Variants in SPHK2 observed in about 807,000 individuals in gnomAD.
SPHK2 encodes sphingosine kinase 2.
A neutral mutation model predicts 32.3 loss-of-function variants in SPHK2; 18 were observed. The ratio of observed to expected loss-of-function variants is 0.56; its 90% confidence interval spans 0.39 to 0.83. The LOEUF is 0.83. Among genes scored for constraint, SPHK2 ranks in the 40% least tolerant of loss-of-function variants. The probability of loss-of-function intolerance (pLI) is 0.00; values close to 1 mark genes in which losing one functional copy is unlikely to be tolerated. For synonymous variants in SPHK2, 462 were observed against 417.6 expected (o/e 1.11, Z -1.30); for missense variants, 850 against 908.7 (o/e 0.94, Z 0.83).
At position 48,629,866 on chromosome 19, in the gene SPHK2, T is replaced by C; in HGVS notation, c.*93T>C. 4.1e-6 allele frequency: 6 copies of C among 1,470,616 alleles called. No homozygotes were observed. The highest frequency in any genetic ancestry group is 4.5e-6 in the Non-Finnish European group (5 of 1,111,348). The allele number at this position is 1,470,616 out of a possible 1,614,324, so 91.1% of individuals were successfully genotyped here. A position where few individuals can be genotyped will look rare whatever the true frequency, so the allele number is the denominator to read the frequency against. On this transcript the variant is annotated 3_prime_UTR_variant, in exon 7 of 7. Coordinates refer to ENST00000245222, the MANE Select transcript of SPHK2 (RefSeq NM_020126.5). ...GGGTGTGGCCTGGCTGCTAGAGTTG[T>C]GGTGGCAGGGGCCCTGGCCCCGTCT...
rs2030360036 is a variant in SPHK2 at position 48,629,419 on chromosome 19, C to T, written c.1611C>T (p.Asp537=). The T allele has an allele frequency of 2.5e-6, 4 of 1,611,118 alleles. No individual in the cohort carries two copies. The highest frequency in any genetic ancestry group is 3.4e-6 in the Non-Finnish European group (4 of 1,179,442). Residue 537 remains aspartate, a synonymous_variant, in exon 7 of 7, where the codon GAC becomes GAT. Coordinates refer to ENST00000245222, the MANE Select transcript of SPHK2 (RefSeq NM_020126.5). Reference sequence around the variant, plus strand: ...CAGACTGGGTGACGCTGGAGGGGGACTTTGTGCTCATGTTGGCCATCTCGC... The same window carrying T: ...CAGACTGGGTGACGCTGGAGGGGGATTTTGTGCTCATGTTGGCCATCTCGC... ...LPPDWVTLEG[D]FVLMLAISPS...
chr19:48,629,591 C>T lies in SPHK2; in HGVS notation c.1783C>T (p.Leu595=). The change falls in exon 7 of 7, where the codon CTG becomes TTG. Residue 595 remains leucine, a synonymous_variant. Transcript: ENST00000245222. ...CATGGAGCGTGGTAGCCACTTCAGCCTGGGCTGTCCGCAGCTGGGCTACGC... is the reference window on the plus strand; with the variant it reads ...CATGGAGCGTGGTAGCCACTTCAGCTTGGGCTGTCCGCAGCTGGGCTACGC... The part of the protein sequence containing the change: ...LAMERGSHFS[L]GCPQLGYAAA... 3 of 1,599,374 alleles carry T rather than the reference C, an allele frequency of 1.9e-6. No homozygotes were observed. The highest frequency in any genetic ancestry group is 1.1e-5 in the South Asian group (1 of 89,356).
At position 48,630,323 on chromosome 19, in the gene SPHK2, C is replaced by T. The variant is rs1214933946; in HGVS notation, c.*550C>T. On this transcript the variant is annotated 3_prime_UTR_variant, in exon 7 of 7. Coordinates refer to ENST00000245222, the MANE Select transcript of SPHK2 (RefSeq NM_020126.5). This position sits in a 1 kb window ranked among gnomAD's most constrained non-coding sequence, Gnocchi z 4.9. ...GGCGGGGAAATTCATATCCCCTGTTCGTCTCATGCGCGTCCTCCGTCCCCA... is the reference window on the plus strand; with the variant it reads ...GGCGGGGAAATTCATATCCCCTGTTTGTCTCATGCGCGTCCTCCGTCCCCA... The T allele has an allele frequency of 7.7e-7, 1 of 1,303,394 alleles. No homozygotes were observed. The highest frequency in any genetic ancestry group is 9.7e-7 in the Non-Finnish European group (1 of 1,026,858). 80.7% of individuals were successfully genotyped at this position (1,303,394 alleles called of 1,614,324 possible). A position where few individuals can be genotyped will look rare whatever the true frequency, so the allele number is the denominator to read the frequency against.
intron 2 of SPHK2, chr19:48,623,061 G>A (rs1365082731): frequency 2.0e-5 from 3 of 151,334 alleles, no homozygotes; most frequent in Admixed American, 6.6e-5. Flanking sequence ...TGGCTAACAC[G>A]GTGAAACCCT....
chr19:48,628,621 CT>C lies in SPHK2; in HGVS notation c.873-57del. ...TTGCCAGCTGCTTTCCTACCTGTCT[CT>C]TTCCCCAACCCCTGTTTGCTCCTTC... On this transcript the variant is annotated intron_variant, in intron 6 of 6. Transcript: ENST00000245222. The surrounding 1 kb of genome is among the most constrained non-coding windows in gnomAD (Gnocchi z 5.2). 6.3e-7 allele frequency: 1 copy of C among 1,584,148 alleles called. No individual in the cohort carries two copies.
rs779108312 is a variant in SPHK2 at position 48,622,757 on chromosome 19, CTTTTTTTTTTTTT to C, written c.39+2218_39+2230del. ...CAAACTTCTTCCTACATTTGTCTCTCTTTTTTTTTTTTTTTTTTTTTTTTTTGAGACAGAGTCT... is the reference window on the plus strand; with the variant it reads ...CAAACTTCTTCCTACATTTGTCTCTCTTTTTTTTTTTTTGAGACAGAGTCT... On this transcript the variant is annotated intron_variant, in intron 2 of 6. Coordinates refer to ENST00000245222, the MANE Select transcript of SPHK2 (RefSeq NM_020126.5). Among the ~76,000 whole-genome samples the C allele has an allele frequency of 2.6e-4, 28 of 108,546 alleles. 1 individual carries two copies. The highest frequency in any genetic ancestry group is 0.01 in the Middle Eastern group (2 of 198). 71.2% of individuals were successfully genotyped at this position (108,546 alleles called of 152,430 possible). A position where few individuals can be genotyped will look rare whatever the true frequency, so the allele number is the denominator to read the frequency against.
In SPHK2 at chr19:48,626,353, G is replaced by C. The variant is rs758081327; in HGVS notation, c.502G>C (p.Gly168Arg). The C allele has an allele frequency of 4.4e-6, 7 of 1,582,488 alleles. No individual in the cohort carries two copies. Among genetic ancestry groups the C allele is most frequent in the Non-Finnish European group, 6.0e-6 (7 of 1,173,156 alleles). ...TCTGCTCCGAGGACTGCCACTGCCC[G>C]GGGATGGGGGTGAGGTGCTGGGCAG... ...TCLLRGLPLP[G>R]DGEITPDLLP... Residue 168 changes from glycine to arginine, a missense_variant, in exon 3 of 7, where the codon GGG becomes CGG. Gly to Arg is a moderately radical substitution (Grantham distance 125, BLOSUM62 -2). Coordinates refer to ENST00000245222, the MANE Select transcript of SPHK2 (RefSeq NM_020126.5).
intron 2 of SPHK2, among the ~76,000 whole-genome samples, chr19:48,621,829 G>A (rs568304477): frequency 7.9e-5 from 12 of 152,256 alleles, no homozygotes; most frequent in African/African-American, 2.9e-4. Flanking sequence ...CATGTTTTAG[G>A]ACTTGAGTTT....
intron 3 of SPHK2, 95 bp from the exon 4 acceptor site, chr19:48,627,597 C>T (rs1308849617): frequency 1.4e-6 from 2 of 1,441,532 alleles, no homozygotes; most frequent in African/African-American, 1.4e-5. Context: ...AGGGGCCAGC[C>T]CTCCACCAAT....
At position 48,628,600 on chromosome 19, in the gene SPHK2, C is replaced by A; in HGVS notation, c.873-81C>A. On this transcript the variant is annotated intron_variant, in intron 6 of 6. Coordinates refer to ENST00000245222, the MANE Select transcript of SPHK2 (RefSeq NM_020126.5). The surrounding 1 kb of genome is among the most constrained non-coding windows in gnomAD (Gnocchi z 5.2). ...GCCATGGCCTTCGTGGTCTCATTGC[C>A]AGCTGCTTTCCTACCTGTCTCTTTC... The A allele has an allele frequency of 6.5e-7, 1 of 1,550,264 alleles. No homozygotes were observed.
intron 2 of SPHK2, among the ~76,000 whole-genome samples, chr19:48,622,323 GT>G (rs964477475): frequency 1.3e-5 from 2 of 151,772 alleles, no homozygotes; most frequent in African/African-American, 4.8e-5. Context: ...GGGGAATTGG[GT>G]TTTTTACATA....
In SPHK2 at chr19:48,628,901, G is replaced by A; in HGVS notation, c.1093G>A (p.Gly365Ser). The A allele has an allele frequency of 6.2e-7, 1 of 1,613,534 alleles. No individual in the cohort carries two copies. The highest frequency in any genetic ancestry group is 8.5e-7 in the Non-Finnish European group (1 of 1,180,012). ...CCGCTTCACACTGGGCACGGTGCTG[G>A]GCCTCGCCACACTGCACACCTACCG... ...SARFTLGTVL[G>S]LATLHTYRGR... The change falls in exon 7 of 7, where the codon GGC becomes AGC. Residue 365 changes from glycine (G) to serine (S), a missense_variant. This residue lies in a region of SPHK2 where 544 missense variants were observed against 640.0 expected (regional missense o/e 0.85). Transcript: ENST00000245222. This position sits in a 1 kb window ranked among gnomAD's most constrained non-coding sequence, Gnocchi z 5.2.
In SPHK2 at chr19:48,628,869, G is replaced by A. The variant is rs150159487; in HGVS notation, c.1061G>A (p.Gly354Asp). The A allele has an allele frequency of 2.3e-5, 37 of 1,613,708 alleles. No individual in the cohort carries two copies. Among genetic ancestry groups the A allele is most frequent in the Non-Finnish European group, 3.1e-5 (36 of 1,180,012 alleles). The change falls in exon 7 of 7, where the codon GGC (glycine) becomes GAC (aspartate). Residue 354 changes from glycine to aspartate, a missense_variant. By Grantham distance (94) the Gly-to-Asp change is moderately conservative (BLOSUM62 -1). Transcript: ENST00000245222. The surrounding 1 kb of genome is among the most constrained non-coding windows in gnomAD (Gnocchi z 5.2). ...DIQSERFRAL[G>D]SARFTLGTVL... ...CAGAGCGAGCGCTTCAGGGCCTTGGGCAGTGCCCGCTTCACACTGGGCACG... is the reference window on the plus strand; with the variant it reads ...CAGAGCGAGCGCTTCAGGGCCTTGGACAGTGCCCGCTTCACACTGGGCACG...
chr19:48,621,011 G>A (rs1974387071), intron 2 of SPHK2: 1 of 155,576 alleles, frequency 6.4e-6, no homozygotes, highest in African/African-American at 2.4e-5. Flanking sequence ...AACCTCCTGG[G>A]CTAAAGTGAT....
In SPHK2 at chr19:48,626,151, C is replaced by T; in HGVS notation, c.300C>T (p.Cys100=). The part of the protein sequence containing the change: ...GLVPLAEVSG[C]CTLRSRSPSD... ...TCCCGTTGGCCGAGGTCTCAGGCTG[C>T]TGCACCCTGCGAAGCCGCAGCCCCT... The change falls in exon 3 of 7, where the codon TGC becomes TGT. Residue 100 remains cysteine, a synonymous_variant. Coordinates refer to ENST00000245222, the MANE Select transcript of SPHK2 (RefSeq NM_020126.5). 2 of 1,601,088 alleles carry T rather than the reference C, an allele frequency of 1.2e-6. No individual in the cohort carries two copies. The highest frequency in any genetic ancestry group is 2.2e-5 in the East Asian group (1 of 44,700).
At position 48,625,950 on chromosome 19, in the gene SPHK2, G is replaced by A. The variant is rs1019956208; in HGVS notation, c.99G>A (p.Arg33=). ...ACGGGCCTAGGAGCACCCTGGTCAGGGCTAAGGCCATGGCCCCGCCCCCAC... is the reference window on the plus strand; with the variant it reads ...ACGGGCCTAGGAGCACCCTGGTCAGAGCTAAGGCCATGGCCCCGCCCCCAC... ...WGHGPRSTLV[R]AKAMAPPPPP... is the part of the protein sequence containing the mutation. The change falls in exon 3 of 7, where the codon AGG becomes AGA. Residue 33 remains arginine, a synonymous_variant. Coordinates refer to ENST00000245222, the MANE Select transcript of SPHK2 (RefSeq NM_020126.5). 6.2e-7 allele frequency: 1 copy of A among 1,612,354 alleles called. No homozygotes were observed. Among genetic ancestry groups the A allele is most frequent in the South Asian group, 1.1e-5 (1 of 90,994 alleles).
chr19:48,628,233 C>G lies in SPHK2; in HGVS notation c.828C>G (p.Cys276Trp). Residue 276 changes from cysteine to tryptophan, a missense_variant, in exon 6 of 7, where the codon TGC becomes TGG. Cys to Trp is a radical substitution (Grantham distance 215). This residue lies in a region of SPHK2 where 544 missense variants were observed against 640.0 expected (regional missense o/e 0.85). Transcript: ENST00000245222. The surrounding 1 kb of genome is among the most constrained non-coding windows in gnomAD (Gnocchi z 5.2). ...AGATGCCTGTGGGCATCCTCCCCTG[C>G]GGCTCGGGCAACGCGCTGGCCGGAG... ...AVKMPVGILPCGSGNALAGAV... is the reference protein window; with the variant it reads ...AVKMPVGILPWGSGNALAGAV... 6.2e-7 allele frequency: 1 copy of G among 1,613,668 alleles called. No homozygotes were observed.
At chr19:48,622,278 A>T (rs565919959) in intron 2 of SPHK2, among the ~76,000 whole-genome samples, 164 of 149,724 alleles carry the variant, frequency 1.1e-3, no homozygotes, top group African/African-American at 3.0e-3. Context: ...AAAAATAAAA[A>T]AAAATAAAGG....
chr19:48,627,946 C>T (rs1462200015), intron 4 of SPHK2, 29 bp from the exon 5 acceptor site: 2 of 1,568,002 alleles, frequency 1.3e-6, no homozygotes, highest in Non-Finnish European at 1.7e-6. Flanking sequence ...GTGGGACAGC[C>T]TGCCTAACAG....
Sources: gnomAD v4.1 joint callset for allele counts (sites outside exome capture counted in the v4.1 genomes callset) on GRCh38, gnomAD v4.1.1 for gene constraint, gnomAD v4.1.1 regional missense constraint, Gnocchi (gnomAD v3.1) non-coding constraint, MANE v1.5 for transcripts, NCBI Gene and HGNC (gene_info 2026-07-23, HGNC 2026-07-21) for gene names.